The following CHN2 variants were observed in gnomAD, a reference collection of about 807,000 sequenced individuals.
CHN2 encodes beta-chimaerin.
CHN2 carries 35 observed loss-of-function variants against 56.3 expected under a neutral mutation model. The ratio of observed to expected loss-of-function variants is 0.62; its 90% CI spans 0.47 to 0.82. The LOEUF (loss-of-function observed/expected upper bound fraction) is 0.82, where lower values mean the gene tolerates loss of function less well. Ranked by LOEUF, CHN2 falls within the 40% of genes least tolerant of loss-of-function variation. CHN2 has a pLI of 0.00. For synonymous variants in CHN2, 210 were observed against 212.8 expected (o/e 0.99, Z 0.12); for missense variants, 491 against 580.5 (o/e 0.85, Z 1.58).
At chr7:29,262,980 C>T (rs1313800268) in intron 1 of CHN2, among the ~76,000 whole-genome samples, 1 of 152,136 alleles carries the variant, frequency 6.6e-6, no homozygotes, top group Non-Finnish European at 1.5e-5. Flanking sequence ...ATGTATTTTA[C>T]CACAATTTAA....
intron 1 of CHN2, among the ~76,000 whole-genome samples, chr7:29,353,496 C>T (rs1798041842): frequency 6.6e-6 from 1 of 152,052 alleles, no homozygotes; most frequent in South Asian, 2.1e-4. Context: ...TCAACCAAAA[C>T]TATAAAAAAT....
chr7:29,268,214 G>A (rs1279968860), intron 1 of CHN2, among the ~76,000 whole-genome samples: 1 of 150,070 alleles, frequency 6.7e-6, no homozygotes, highest in East Asian at 2.0e-4. Context: ...AGGAGGAAGT[G>A]TAAATTGTTA....
In CHN2 at chr7:29,211,373, C is replaced by T. The variant is rs1158793341; in HGVS notation, c.49+16383C>T. On this transcript the variant is annotated intron_variant, in intron 1 of 12. Transcript: ENST00000222792. Reference sequence around the variant, plus strand: ...GATTACAGGCGTGAGCCACCGCGCCCGGCCCTGACTGAGGTTTTAACAGAT... The same window carrying T: ...GATTACAGGCGTGAGCCACCGCGCCTGGCCCTGACTGAGGTTTTAACAGAT... 5.3e-5 allele frequency among the ~76,000 whole-genome samples: 8 copies of T among 151,700 alleles called. 1 individual carries two copies. In the South Asian group the frequency reaches 6.2e-4, roughly 12 times the overall value.
chr7:29,447,114 G>A (rs1251204453), intron 6 of CHN2, among the ~76,000 whole-genome samples: 1 of 152,144 alleles, frequency 6.6e-6, no homozygotes, highest in Non-Finnish European at 1.5e-5. Flanking sequence ...AATTACAGAT[G>A]GGGGAAGAGG....
Position 29,405,164 on chromosome 7 carries a change from TACACACAC to T in CHN2, c.576+4387_576+4394del, listed in dbSNP as rs57823678. ...TCTGTATGGAGTGCTTATGTCACCATACACACACACACACACACACACACACACACACA... is the reference window on the plus strand; with the variant it reads ...TCTGTATGGAGTGCTTATGTCACCATACACACACACACACACACACACACA... On this transcript the variant is annotated intron_variant, in intron 6 of 12. Coordinates refer to ENST00000222792, the MANE Select transcript of CHN2 (RefSeq NM_004067.4). Among the ~76,000 whole-genome samples, 900 of 105,188 alleles carry T rather than the reference TACACACAC, an allele frequency of 8.6e-3. 14 individuals are homozygous for T. The highest frequency in any genetic ancestry group is 0.02 in the African/African-American group (606 of 30,798). 69.0% of individuals were successfully genotyped at this position (105,188 alleles called of 152,430 possible).
intron 1 of CHN2, among the ~76,000 whole-genome samples, chr7:29,347,039 G>T (rs963912575): frequency 6.6e-6 from 1 of 152,032 alleles, no homozygotes; most frequent in Non-Finnish European, 1.5e-5. Context: ...GGAGCGTTCT[G>T]TGTCTCCATT....
At chr7:29,192,107 G>C (rs1018051767), upstream of CHN2, 15 of 152,306 alleles carry the variant, frequency 9.8e-5, no homozygotes, top group African/African-American at 3.1e-4. Context: ...GGGTGTCAAA[G>C]TTATAGCTCA....
chr7:29,195,703 A>G lies in CHN2; in HGVS notation c.49+713A>G, dbSNP rs1783651215. Reference sequence around the variant, plus strand: ...AGATTTTCTGATAATAGTGGCTGTAATTTCACTAGCAAGGCATGCATTTTT... The same window carrying G: ...AGATTTTCTGATAATAGTGGCTGTAGTTTCACTAGCAAGGCATGCATTTTT... On this transcript the variant is annotated intron_variant, in intron 1 of 12. Transcript: ENST00000222792. Among the ~76,000 whole-genome samples, 7 of 150,426 alleles carry G rather than the reference A, an allele frequency of 4.7e-5. No homozygotes were observed. In the South Asian group the frequency reaches 1.5e-3, roughly 31 times the overall value.
chr7:29,462,408 A>C (rs1367363748), intron 6 of CHN2, among the ~76,000 whole-genome samples: 2 of 152,178 alleles, frequency 1.3e-5, no homozygotes, highest in African/African-American at 2.4e-5. Flanking sequence ...TACAGCAGGG[A>C]TGGCTTGCTT....
chr7:29,496,642 A>C (rs1275280961), intron 8 of CHN2, among the ~76,000 whole-genome samples: 1 of 152,234 alleles, frequency 6.6e-6, no homozygotes, highest in Non-Finnish European at 1.5e-5. Flanking sequence ...TCAGATTAGC[A>C]GTGAAACCAT....
chr7:29,360,135 AC>A (rs1401825193), intron 2 of CHN2, among the ~76,000 whole-genome samples: 2 of 152,214 alleles, frequency 1.3e-5, no homozygotes, highest in Non-Finnish European at 2.9e-5. Flanking sequence ...ATACATACTT[AC>A]GCCTGAAACC....
chr7:29,178,372 T>G (rs1385002496), intron 2 of CHN2, among the ~76,000 whole-genome samples: 1 of 152,182 alleles, frequency 6.6e-6, no homozygotes, highest in Non-Finnish European at 1.5e-5. Context: ...GCCTCTGACC[T>G]GGTCTTCCTC....
At chr7:29,484,223 C>T (rs1022412782) in intron 7 of CHN2, among the ~76,000 whole-genome samples, 3 of 152,130 alleles carry the variant, frequency 2.0e-5, no homozygotes, top group African/African-American at 4.8e-5. Context: ...TTATACCCCT[C>T]GTTTGTTTAA....
intron 1 of CHN2, among the ~76,000 whole-genome samples, chr7:29,296,165 C>A (rs1584989947): frequency 6.6e-6 from 1 of 151,898 alleles, no homozygotes; most frequent in Non-Finnish European, 1.5e-5. Context: ...CTCACTGCAA[C>A]CTCCACCTCC....
At chr7:29,388,078 C>A (rs1801065250) in intron 3 of CHN2, among the ~76,000 whole-genome samples, 1 of 152,200 alleles carries the variant, frequency 6.6e-6, no homozygotes, top group Admixed American at 6.5e-5. Context: ...TTTTTGCATT[C>A]TCTAAAAATG....
At chr7:29,361,296 A>T (rs907301433) in intron 2 of CHN2, among the ~76,000 whole-genome samples, 3 of 152,168 alleles carry the variant, frequency 2.0e-5, no homozygotes, top group Admixed American at 2.0e-4. Context: ...CTTGAAAATG[A>T]TGGGCAGGCT....
intron 1 of CHN2, among the ~76,000 whole-genome samples, chr7:29,290,489 AC>A (rs1207477311): frequency 6.6e-6 from 1 of 152,178 alleles, no homozygotes; most frequent in Non-Finnish European, 1.5e-5. Flanking sequence ...GGGCCATCTT[AC>A]GGCTTAGATT....
At chr7:29,269,285 G>A (rs1178289578) in intron 1 of CHN2, among the ~76,000 whole-genome samples, 2 of 152,122 alleles carry the variant, frequency 1.3e-5, no homozygotes, top group African/African-American at 4.8e-5. Context: ...TCTCACATAT[G>A]AGTGAGAACA....
chr7:29,153,554 C>T (rs948619664), intron 2 of CHN2, among the ~76,000 whole-genome samples: 2 of 152,042 alleles, frequency 1.3e-5, no homozygotes, highest in Non-Finnish European at 2.9e-5. Flanking sequence ...ACAGTAAATA[C>T]ATTTTCTCTC....
Sources: gnomAD v4.1 joint callset for allele counts (sites outside exome capture counted in the v4.1 genomes callset) on GRCh38, gnomAD v4.1.1 for gene constraint, MANE v1.5 for transcripts, NCBI Gene and HGNC (gene_info 2026-07-23, HGNC 2026-07-21) for gene names.